The following MYO18B variants were observed in gnomAD, a reference collection of about 807,000 sequenced individuals.
MYO18B encodes myosin XVIIIB.
Under a neutral mutation model 273.0 loss-of-function variants are expected in MYO18B, and 204 were observed. The ratio of observed to expected loss-of-function variants is 0.75; its 90% CI spans 0.67 to 0.84. The LOEUF (loss-of-function observed/expected upper bound fraction) is 0.84, where lower values mean the gene tolerates loss of function less well. Ranked by LOEUF, MYO18B falls within the 40% of genes least tolerant of loss-of-function variation. The pLI, the probability that MYO18B is intolerant of heterozygous loss-of-function variation, is 0.00. For missense variants in MYO18B, 3,212 were observed against 3,287.6 expected, an observed-to-expected ratio of 0.98 and a Z score of 0.56; for synonymous variants, 1,330 against 1,305.7, an observed-to-expected ratio of 1.02 and a Z score of -0.40.
the MYO18B span, among the ~76,000 whole-genome samples, chr22:26,060,699 C>A: frequency 1.3e-5 from 2 of 152,046 alleles, no homozygotes; most frequent in Non-Finnish European, 2.9e-5. Context: ...TATGTACATA[C>A]ATACACACAT....
intron 21 of MYO18B, among the ~76,000 whole-genome samples, chr22:25,866,117 G>A (rs1206785571): frequency 2.0e-5 from 3 of 151,974 alleles, no homozygotes; most frequent in African/African-American, 7.3e-5. Context: ...TGATGTCTTT[G>A]ACCCATGGAA....
intron 12 of MYO18B, 118 bp from the exon 13 acceptor site, chr22:25,823,387 C>A: frequency 8.7e-7 from 1 of 1,148,424 alleles, no homozygotes; most frequent in Non-Finnish European, 1.2e-6. Context: ...AAGCTCCCGG[C>A]TGAGGAGGCT....
chr22:25,975,715 G>A (rs945021326), intron 39 of MYO18B, among the ~76,000 whole-genome samples: 12 of 152,176 alleles, frequency 7.9e-5, no homozygotes, highest in Admixed American at 2.0e-4. Flanking sequence ...CAGATCACCC[G>A]GGGATATTGT....
chr22:25,769,822 G>C (rs533892253), intron 4 of MYO18B, among the ~76,000 whole-genome samples: 1 of 152,152 alleles, frequency 6.6e-6, no homozygotes, highest in East Asian at 1.9e-4. Flanking sequence ...CATTTCAAAG[G>C]CCAGGAGTGG....
intron 9 of MYO18B, among the ~76,000 whole-genome samples, chr22:25,780,932 C>T (rs774414800): frequency 6.6e-6 from 1 of 152,204 alleles, no homozygotes; most frequent in Non-Finnish European, 1.5e-5. Flanking sequence ...ATCACCCATA[C>T]TCCTCCCCGT....
Position 25,872,534 on chromosome 22 carries a change from G to C in MYO18B, c.3952-1752G>C, listed in dbSNP as rs2091075760. Among the ~76,000 whole-genome samples the C allele has an allele frequency of 1.3e-5, 2 of 152,190 alleles. 1 individual carries two copies. The highest frequency in any genetic ancestry group is 4.8e-5 in the African/African-American group (2 of 41,458). ...GTATTAAAAAGAGACCTAGGAGAAA[G>C]CACTTTGGAAAATGTAGATGCATGT... On this transcript the variant is annotated intron_variant, in intron 22 of 43. Transcript: ENST00000335473.
chr22:25,802,101 C>T (rs867739909), intron 12 of MYO18B, among the ~76,000 whole-genome samples: 6 of 152,326 alleles, frequency 3.9e-5, no homozygotes, highest in South Asian at 2.1e-4. Context: ...TGCAAGTACC[C>T]GACCTCCCAT....
intron 21 of MYO18B, among the ~76,000 whole-genome samples, chr22:25,855,976 T>G (rs2090561356): frequency 6.6e-6 from 1 of 152,148 alleles, no homozygotes; most frequent in Non-Finnish European, 1.5e-5. Context: ...AGTTTTTCAG[T>G]CCTCACCCTC....
chr22:25,903,946 C>T, intron 31 of MYO18B, 115 bp downstream of exon 31: 1 of 1,121,080 alleles, frequency 8.9e-7, no homozygotes, highest in South Asian at 1.6e-5. Context: ...TCAATGGCTC[C>T]CTATTATCCC....
At chr22:26,047,123 CCA>C in the MYO18B span, among the ~76,000 whole-genome samples, 1 of 145,094 alleles carries the variant, frequency 6.9e-6, no homozygotes, top group Non-Finnish European at 1.5e-5. Context: ...ATTAGTTGGC[CCA>C]TTTTTTTTTT....
intron 42 of MYO18B, among the ~76,000 whole-genome samples, chr22:26,022,635 C>T (rs989605969): frequency 2.6e-5 from 4 of 151,948 alleles, no homozygotes; most frequent in Admixed American, 2.6e-4. Flanking sequence ...CCTCTCCAGC[C>T]CCCTAGGAGT....
At chr22:25,765,564 C>T (rs987855100) in intron 3 of MYO18B, among the ~76,000 whole-genome samples, 2 of 152,262 alleles carry the variant, frequency 1.3e-5, no homozygotes, top group Admixed American at 1.3e-4. Flanking sequence ...CTGGCCCTGC[C>T]GCTTTTTGTG....
intron 34 of MYO18B, among the ~76,000 whole-genome samples, chr22:25,926,073 C>T (rs954141972): frequency 2.6e-5 from 4 of 151,102 alleles, no homozygotes; most frequent in African/African-American, 9.7e-5. Context: ...GATGCAGTGA[C>T]AGGAGCCTGT....
intron 28 of MYO18B, chr22:25,898,104 C>T: frequency 1.8e-6 from 1 of 559,714 alleles, no homozygotes; most frequent in Non-Finnish European, 3.1e-6. Context: ...ATTATCCCCA[C>T]TTTACCTCTG....
chr22:25,755,769 C>A (rs1207303433), intron 1 of MYO18B, among the ~76,000 whole-genome samples: 1 of 152,208 alleles, frequency 6.6e-6, no homozygotes, highest in African/African-American at 2.4e-5. Context: ...CTCGCTCCCT[C>A]TCTCATCACG....
At chr22:25,893,180 C>T (rs1320540505) in intron 27 of MYO18B, among the ~76,000 whole-genome samples, 1 of 152,192 alleles carries the variant, frequency 6.6e-6, no homozygotes, top group African/African-American at 2.4e-5. Flanking sequence ...ACCACAACCA[C>T]CTCTATGGTT....
chr22:25,816,047 G>T (rs2088988660), intron 12 of MYO18B, among the ~76,000 whole-genome samples: 1 of 152,220 alleles, frequency 6.6e-6, no homozygotes, highest in Non-Finnish European at 1.5e-5. Flanking sequence ...TTGTGGGGCT[G>T]CATGGCACCT....
chr22:25,784,858 A>G (rs758817471), intron 10 of MYO18B, among the ~76,000 whole-genome samples: 19 of 152,184 alleles, frequency 1.2e-4, no homozygotes, highest in Non-Finnish European at 2.2e-4. Context: ...GTTGCTTCAT[A>G]AAGTGCAGAC....
At position 25,768,439 on chromosome 22, in the gene MYO18B, GC is replaced by G. The variant is rs748007891; in HGVS notation, c.530del (p.Pro177LeufsTer55). On this transcript the variant is annotated frameshift_variant, in exon 4 of 44. Transcript: ENST00000335473. LOFTEE classifies it high-confidence loss of function. Reference protein sequence around the residue: ...AKPEKTHPHDAPPCKTSPPAT... With the variant: ...AKPEKTHPHDXPPCKTSPPAT... ...GCCAGAGAAGACTCATCCCCATGACGCCCCCCCTTGCAAGACCTCTCCCCCC... is the reference window on the plus strand; with the variant it reads ...GCCAGAGAAGACTCATCCCCATGACGCCCCCCTTGCAAGACCTCTCCCCCC... 10 of 1,604,208 alleles carry G rather than the reference GC, an allele frequency of 6.2e-6. No individual in the cohort carries two copies. In the Admixed American group the frequency reaches 6.8e-5, roughly 11 times the overall value.
Sources: gnomAD v4.1 joint callset for allele counts (sites outside exome capture counted in the v4.1 genomes callset) on GRCh38, gnomAD v4.1.1 for gene constraint, MANE v1.5 for transcripts, NCBI Gene and HGNC (gene_info 2026-07-23, HGNC 2026-07-21) for gene names.